The following GRID1 variants were observed in gnomAD, a reference collection of about 807,000 sequenced individuals.
GRID1 encodes the protein glutamate receptor ionotropic, delta-1.
Under a neutral mutation model 98.0 loss-of-function variants are expected in GRID1, and 28 were observed. That is an observed-to-expected ratio of 0.29 (90% CI 0.21 to 0.39). GRID1 has a LOEUF of 0.39. GRID1 is among the 10% of genes least tolerant of loss of function. The probability of loss-of-function intolerance (pLI) is 1.00; values close to 1 mark genes in which losing one functional copy is unlikely to be tolerated. For missense variants in GRID1, 1,111 were observed against 1,340.5 expected, an observed-to-expected ratio of 0.83 and a Z score of 2.67; for synonymous variants, 553 against 538.5, an observed-to-expected ratio of 1.03 and a Z score of -0.37.
intron 8 of GRID1, among the ~76,000 whole-genome samples, chr10:85,764,789 G>A (rs755040404): frequency 6.6e-5 from 10 of 152,192 alleles, no homozygotes; most frequent in Non-Finnish European, 1.0e-4. Context: ...AACATTGCAT[G>A]CATGTCAGCC....
chr10:86,232,921 C>T (rs1321481464), intron 2 of GRID1, among the ~76,000 whole-genome samples: 1 of 152,134 alleles, frequency 6.6e-6, no homozygotes, highest in Non-Finnish European at 1.5e-5. Flanking sequence ...GTTGAAGCAG[C>T]CACATTTATG....
chr10:85,978,494 T>A (rs1460483054), intron 4 of GRID1, among the ~76,000 whole-genome samples: 1 of 151,804 alleles, frequency 6.6e-6, no homozygotes, highest in Non-Finnish European at 1.5e-5. Flanking sequence ...TTCCCAGCAG[T>A]AAGAGCAAAA....
chr10:85,599,802 A>AAAAATATATATATATATATAT lies in GRID1; in HGVS notation c.*2470_*2471insATATATATATATATATATTTT. 11 of 64,982 alleles carry AAAAATATATATATATATATAT rather than the reference A, an allele frequency of 1.7e-4. No homozygotes were observed. Among genetic ancestry groups the AAAAATATATATATATATATAT allele is most frequent in the South Asian group, 9.7e-4 (2 of 2,070 alleles). 4.0% of individuals were successfully genotyped at this position (64,982 alleles called of 1,614,324 possible). ...GTAGAAAATTCTAAAAAAAAAAAAA[A>AAAAATATATATATATATATAT]ATATATATATATATATATAAACATG... On this transcript the variant is annotated 3_prime_UTR_variant, in exon 16 of 16. Coordinates refer to ENST00000327946, the MANE Select transcript of GRID1 (RefSeq NM_017551.3).
At chr10:85,909,106 A>G (rs938113203) in intron 5 of GRID1, among the ~76,000 whole-genome samples, 3 of 152,238 alleles carry the variant, frequency 2.0e-5, no homozygotes, top group Non-Finnish European at 4.4e-5. Flanking sequence ...CAAAAAATCC[A>G]ATATAAATGG....
At chr10:86,060,165 G>A (rs1461523315) in intron 4 of GRID1, among the ~76,000 whole-genome samples, 1 of 152,156 alleles carries the variant, frequency 6.6e-6, no homozygotes, top group Admixed American at 6.5e-5. Context: ...TACATGGCAT[G>A]GGAATTTAAA....
chr10:85,630,984 A>T (rs1415509702), intron 13 of GRID1, among the ~76,000 whole-genome samples: 1 of 152,216 alleles, frequency 6.6e-6, no homozygotes, highest in African/African-American at 2.4e-5. Flanking sequence ...CATAGAGTTG[A>T]GAGACCAAGG....
chr10:86,294,023 C>T (rs753412680), intron 2 of GRID1, among the ~76,000 whole-genome samples: 1 of 152,112 alleles, frequency 6.6e-6, no homozygotes, highest in African/African-American at 2.4e-5. Flanking sequence ...AGAGTATATT[C>T]GCGGGTGATC....
chr10:86,263,670 C>A (rs529918619), intron 2 of GRID1, among the ~76,000 whole-genome samples: 13 of 152,212 alleles, frequency 8.5e-5, no homozygotes, highest in African/African-American at 1.2e-4. Context: ...CCCTCCCCCT[C>A]GGGTTGTGAG....
intron 3 of GRID1, among the ~76,000 whole-genome samples, chr10:86,168,507 A>G (rs1047378490): frequency 1.8e-4 from 27 of 152,120 alleles, no homozygotes; most frequent in African/African-American, 6.5e-4. Context: ...AATCTCCAGA[A>G]CCCAAGAGCC....
intron 4 of GRID1, chr10:86,052,666 C>G (rs763953883): frequency 6.6e-6 from 1 of 152,018 alleles, no homozygotes; most frequent in Non-Finnish European, 1.5e-5. Flanking sequence ...AAAAGAAACT[C>G]TGGTACTACA....
chr10:86,366,356 A>T lies in GRID1; in HGVS notation c.37T>A (p.Cys13Ser). The T allele has an allele frequency of 6.6e-7, 1 of 1,524,132 alleles. No individual in the cohort carries two copies. Among genetic ancestry groups the T allele is most frequent in the Non-Finnish European group, 8.8e-7 (1 of 1,134,222 alleles). The allele number at this position is 1,524,132 out of a possible 1,614,324, so 94.4% of individuals were successfully genotyped here. ...TCGGCCCGCACCGACACGCACTGGC[A>T]TATCCAGGGGAGAAGCCACAGCGTC... is the stretch of plus-strand genomic sequence containing the variant. Reference protein sequence around the residue: ...ALTLWLLPWICQCVSVRADSI... With the variant: ...ALTLWLLPWISQCVSVRADSI... The change falls in exon 1 of 16, where the codon TGC becomes AGC. Residue 13 changes from cysteine to serine, a missense_variant. Cys to Ser is a moderately radical substitution (Grantham distance 112). Transcript: ENST00000327946. This position sits in a 1 kb window ranked among gnomAD's most constrained non-coding sequence, Gnocchi z 4.1.
chr10:85,938,663 T>C lies in GRID1; in HGVS notation c.727-22424A>G, dbSNP rs966822355. 2.0e-5 allele frequency among the ~76,000 whole-genome samples: 3 copies of C among 152,164 alleles called. No homozygotes were observed. In the East Asian group the frequency reaches 5.8e-4, roughly 29 times the overall value. On this transcript the variant is annotated intron_variant, in intron 4 of 15. Coordinates refer to ENST00000327946, the MANE Select transcript of GRID1 (RefSeq NM_017551.3). ...CATGCTGAAAATATACAAAAGGCTC[T>C]CCAGTTCTAATCAACAGTATTCTGG... is the stretch of plus-strand genomic sequence containing the variant.
intron 2 of GRID1, chr10:86,264,704 C>G: frequency 2.1e-6 from 1 of 479,280 alleles, no homozygotes; most frequent in South Asian, 1.5e-5. Context: ...CCGCTCTGCC[C>G]AGGCAGCTGC....
At chr10:86,301,310 A>C (rs1447637928) in intron 2 of GRID1, among the ~76,000 whole-genome samples, 2 of 152,224 alleles carry the variant, frequency 1.3e-5, no homozygotes, top group African/African-American at 4.8e-5. Context: ...AGAAACATCA[A>C]AAATCAATCA....
At position 85,856,049 on chromosome 10, in the gene GRID1, T is replaced by C; in HGVS notation, c.1093A>G (p.Met365Val). ...CGTACCTTTTTGATGGTATCCAGCA[T>C]GGACCTCCCACCATTCCATGGCTTA... ...STKPWNGGRS[M>V]LDTIKKGHIT... The change falls in exon 7 of 16, where the codon ATG (methionine) becomes GTG (valine). Residue 365 changes from methionine to valine, a missense_variant. Physicochemically the swap from Met to Val is conservative, Grantham distance 21. Around this residue, in one of 3 missense-constraint regions of GRID1, gnomAD observed 762 missense variants for 869.1 expected, o/e 0.88. Transcript: ENST00000327946. 2 of 1,614,086 alleles carry C rather than the reference T, an allele frequency of 1.2e-6. No homozygotes were observed. Among genetic ancestry groups the C allele is most frequent in the South Asian group, 1.1e-5 (1 of 91,078 alleles).
chr10:85,665,782 T>TCAC (rs1841013152), intron 12 of GRID1, among the ~76,000 whole-genome samples: 1 of 152,154 alleles, frequency 6.6e-6, no homozygotes, highest in Non-Finnish European at 1.5e-5. Flanking sequence ...CCTAATTTTG[T>TCAC]CACCCAGCAC....
At chr10:85,807,767 C>G (rs1017647083) in intron 8 of GRID1, among the ~76,000 whole-genome samples, 1 of 152,044 alleles carries the variant, frequency 6.6e-6, no homozygotes, top group African/African-American at 2.4e-5. Context: ...ATATTGTATT[C>G]ACTGCTGGAA....
At chr10:85,653,361 G>A (rs978590109) in intron 12 of GRID1, among the ~76,000 whole-genome samples, 2 of 152,234 alleles carry the variant, frequency 1.3e-5, no homozygotes, top group Admixed American at 6.5e-5. Flanking sequence ...TAGGGCATGT[G>A]TTTCTCTAGT....
At chr10:85,931,113 T>C (rs1841845843) in intron 4 of GRID1, among the ~76,000 whole-genome samples, 1 of 152,194 alleles carries the variant, frequency 6.6e-6, no homozygotes, top group Non-Finnish European at 1.5e-5. Flanking sequence ...ACTACAGGCA[T>C]GAGCCACCAG....
Sources: gnomAD v4.1 joint callset for allele counts (sites outside exome capture counted in the v4.1 genomes callset) on GRCh38, gnomAD v4.1.1 for gene constraint, gnomAD v4.1.1 regional missense constraint, Gnocchi (gnomAD v3.1) non-coding constraint, MANE v1.5 for transcripts, NCBI Gene and HGNC (gene_info 2026-07-23, HGNC 2026-07-21) for gene names.